The following LIN54 variants were observed in gnomAD, a reference collection of about 807,000 sequenced individuals.
LIN54 encodes the protein lin-54 DREAM MuvB core complex component, also known as protein lin-54 homolog.
LIN54 carries 9 observed loss-of-function variants against 78.7 expected under a neutral mutation model. The ratio of observed to expected loss-of-function variants is 0.11; its 90% CI spans 0.07 to 0.20. The LOEUF is 0.20. Among genes scored for constraint, LIN54 ranks in the 10% least tolerant of loss-of-function variants. LIN54 has a pLI of 1.00. For missense variants in LIN54, 573 were observed against 889.9 expected, an observed-to-expected ratio of 0.64 and a Z score of 4.53; for synonymous variants, 269 against 318.4, an observed-to-expected ratio of 0.84 and a Z score of 1.65.
chr4:82,972,457 G>A lies in LIN54; in HGVS notation c.809-1988C>T, dbSNP rs113324477. On this transcript the variant is annotated intron_variant, in intron 3 of 12. Transcript: ENST00000340417. The stretch of plus-strand genomic sequence containing the variant: ...AAAGTCAATTCTAAATAAACCAAAC[G>A]AATCTACATCAAATAGGTTTAGAGA... 7.2e-3 allele frequency among the ~76,000 whole-genome samples: 1,099 copies of A among 152,046 alleles called. 15 individuals carry two copies. Among genetic ancestry groups the A allele is most frequent in the Middle Eastern group, 0.01 (3 of 294 alleles).
chr4:82,947,235 A>ATATATATATATATATATTTTTT, intron 4 of LIN54, among the ~76,000 whole-genome samples: 1 of 44,292 alleles, frequency 2.3e-5, no homozygotes, highest in African/African-American at 1.0e-4. Flanking sequence ...ATATATATAT[A>ATATATATATATATATATTTTTT]TTTTTTTTTT....
intron 7 of LIN54, among the ~76,000 whole-genome samples, chr4:82,938,953 G>C (rs1229669644): frequency 6.6e-6 from 1 of 152,158 alleles, no homozygotes; most frequent in Non-Finnish European, 1.5e-5. Flanking sequence ...CTAAACATTA[G>C]AAATGCTTAT....
chr4:82,960,785 C>G (rs769307576), intron 4 of LIN54, among the ~76,000 whole-genome samples: 1 of 152,104 alleles, frequency 6.6e-6, no homozygotes, highest in Non-Finnish European at 1.5e-5. Flanking sequence ...ACCAGCCAGG[C>G]GTGGTAGCTC....
At chr4:82,932,825 C>A (rs2126029599) in intron 11 of LIN54, among the ~76,000 whole-genome samples, 1 of 151,644 alleles carries the variant, frequency 6.6e-6, no homozygotes, top group South Asian at 2.1e-4. Context: ...AACACCATCT[C>A]AAAAAAATAT....
intron 1 of LIN54, among the ~76,000 whole-genome samples, chr4:83,005,219 C>T (rs1729242062): frequency 6.6e-6 from 1 of 152,100 alleles, no homozygotes; most frequent in Non-Finnish European, 1.5e-5. Context: ...TTGATTTATA[C>T]TTGGTTTTAT....
intron 4 of LIN54, among the ~76,000 whole-genome samples, chr4:82,952,014 T>TA (rs900322299): frequency 6.6e-6 from 1 of 151,612 alleles, no homozygotes; most frequent in African/African-American, 2.4e-5. Flanking sequence ...AAGCTAAAAC[T>TA]AAAAAAAACT....
intron 3 of LIN54, among the ~76,000 whole-genome samples, chr4:82,971,870 T>C (rs1246204919): frequency 1.3e-5 from 2 of 152,184 alleles, no homozygotes; most frequent in Non-Finnish European, 2.9e-5. Flanking sequence ...ATCTCTAGAA[T>C]CTGCTCTAAC....
At chr4:82,990,758 C>T (rs1208348414) in intron 1 of LIN54, among the ~76,000 whole-genome samples, 1 of 152,206 alleles carries the variant, frequency 6.6e-6, no homozygotes, top group Admixed American at 6.5e-5. Context: ...GCTAGGATTA[C>T]AGGCGTGAGC....
At chr4:83,000,590 TTCAACACTGAAGGCA>T (rs1728673892) in intron 1 of LIN54, among the ~76,000 whole-genome samples, 2 of 152,170 alleles carry the variant, frequency 1.3e-5, no homozygotes, top group Admixed American at 6.6e-5. Flanking sequence ...ACCCCATGTT[TTCAACACTGAAGGCA>T]TCAACATGGT....
chr4:82,955,190 C>T (rs575923007), intron 4 of LIN54, among the ~76,000 whole-genome samples: 4 of 152,108 alleles, frequency 2.6e-5, no homozygotes, highest in South Asian at 4.2e-4. Context: ...ATGTTGAAAC[C>T]TCGTCTCTAC....
intron 1 of LIN54, 119 bp downstream of exon 1, chr4:83,010,365 C>T (rs1729761501): frequency 5.1e-6 from 2 of 395,114 alleles, no homozygotes; most frequent in Non-Finnish European, 3.5e-6. Flanking sequence ...ACTGATTCTT[C>T]GCACTCCGGA....
At chr4:82,940,234 T>C (rs1482285068) in intron 5 of LIN54, among the ~76,000 whole-genome samples, 1 of 152,230 alleles carries the variant, frequency 6.6e-6, no homozygotes, top group African/African-American at 2.4e-5. Flanking sequence ...AATACTTCAA[T>C]CTGTATTCAG....
Position 82,939,581 on chromosome 4 carries a change from C to T in LIN54, c.1398G>A (p.Gly466=). Residue 466 remains glycine (G), a synonymous_variant, in exon 7 of 13, where the codon GGG becomes GGA. Transcript: ENST00000340417. The stretch of plus-strand genomic sequence containing the variant: ...CTGGAAGCACTGCATAACCCACATT[C>T]CCTGTTCCCGGAGCTGGTGCCAGGA... ...GTVLAPAPGT[G]NVGYAVLPAQ... The T allele has an allele frequency of 1.2e-6, 2 of 1,614,106 alleles. No individual in the cohort carries two copies. Among genetic ancestry groups the T allele is most frequent in the Non-Finnish European group, 8.5e-7 (1 of 1,179,966 alleles).
intron 1 of LIN54, among the ~76,000 whole-genome samples, chr4:82,992,311 G>A (rs143468118): frequency 5.3e-4 from 81 of 152,208 alleles, no homozygotes; most frequent in African/African-American, 1.2e-3. Context: ...TTCATTCCTC[G>A]TAGTGGTAAA....
chr4:82,954,475 T>C (rs1387263465), intron 4 of LIN54, among the ~76,000 whole-genome samples: 5 of 152,000 alleles, frequency 3.3e-5, no homozygotes, highest in African/African-American at 1.2e-4. Context: ...TGGAGTTCAG[T>C]GGTGTGATCT....
intron 1 of LIN54, among the ~76,000 whole-genome samples, chr4:82,992,718 C>T (rs1452687013): frequency 6.6e-6 from 1 of 152,098 alleles, no homozygotes; most frequent in East Asian, 1.9e-4. Context: ...CGATGCCTGG[C>T]TTTTGTTTTG....
chr4:82,946,235 G>T, intron 5 of LIN54, 23 bp downstream of exon 5: 3 of 1,565,068 alleles, frequency 1.9e-6, no homozygotes, highest in Non-Finnish European at 2.6e-6. Context: ...ATGAATTACT[G>T]TTTTTAAAAA....
rs766721688 is a variant in LIN54 at position 82,939,945 on chromosome 4, TAAC to T, written c.1183_1185del (p.Val395del). On this transcript the variant is annotated inframe_deletion, in exon 6 of 13. Transcript: ENST00000340417. ...ACTGACATCCGCACTGGGGTTGTAT[TAAC>T]AACCACTGGCTTTGCTTTTTAAAAA... 86 of 1,604,716 alleles carry T rather than the reference TAAC, an allele frequency of 5.4e-5. No individual in the cohort carries two copies. Among genetic ancestry groups the T allele is most frequent in the Non-Finnish European group, 7.1e-5 (84 of 1,176,886 alleles).
In LIN54 at chr4:82,931,110, A is replaced by G; in HGVS notation, c.1881T>C (p.Ile627=). The G allele has an allele frequency of 6.2e-7, 1 of 1,614,160 alleles. No individual in the cohort carries two copies. Among genetic ancestry groups the G allele is most frequent in the Non-Finnish European group, 8.5e-7 (1 of 1,180,002 alleles). The change falls in exon 12 of 13, where the codon ATT becomes ATC. Residue 627 remains isoleucine (I), a synonymous_variant. Transcript: ENST00000340417. ...GGCTTTCTTCAAAATTCTTACAGCC[A>G]ATACATTTGCATATTGAGGAACACA... ...KIMCSSICKC[I]GCKNFEESPE...
Sources: allele counts gnomAD v4.1 joint callset (sites outside exome capture counted in the v4.1 genomes callset), GRCh38; gene constraint gnomAD v4.1.1; transcripts MANE v1.5; gene names NCBI Gene and HGNC (gene_info 2026-07-23, HGNC 2026-07-21).